GALNT16: variants seen among roughly 807,000 people sequenced by gnomAD.
GALNT16 encodes the protein UDP-GalNAc:polypeptide N-acetylgalactosaminyltransferase-like protein 1.
GALNT16 carries 40 observed loss-of-function variants against 76.1 expected under a neutral mutation model. That is an observed-to-expected ratio of 0.53 (90% CI 0.41 to 0.68). GALNT16 has a LOEUF of 0.68. GALNT16 is among the 30% of genes least tolerant of loss of function. The pLI, the probability that GALNT16 is intolerant of heterozygous loss-of-function variation, is 0.00. For missense variants in GALNT16, 621 were observed against 731.9 expected (o/e 0.85, Z 1.75); for synonymous variants, 276 against 285.2 (o/e 0.97, Z 0.32).
At chr14:69,363,076 G>A in the GALNT16 span, among the ~76,000 whole-genome samples, 15 of 152,256 alleles carry the variant, frequency 9.9e-5, no homozygotes, top group African/African-American at 3.4e-4. Context: ...GAGGCAGGAA[G>A]AGTGGTTCTG....
At chr14:69,267,885 A>T (rs549036826) in intron 1 of GALNT16, among the ~76,000 whole-genome samples, 5 of 152,282 alleles carry the variant, frequency 3.3e-5, no homozygotes, top group African/African-American at 1.2e-4. Context: ...TTCTCCCGCG[A>T]AAGTGAGGTG....
chr14:69,320,833 C>T lies in GALNT16; in HGVS notation c.300C>T (p.Ser100=), dbSNP rs777777917. The T allele has an allele frequency of 2.1e-5, 34 of 1,613,932 alleles. No homozygotes were observed. Among genetic ancestry groups the T allele is most frequent in the Non-Finnish European group, 2.9e-5 (34 of 1,179,942 alleles). ...ACCAGCTGGAGAGTGACAAGCTGAGCCCAGACCGGCCCATCCGGGACACCC... is the reference window on the plus strand; with the variant it reads ...ACCAGCTGGAGAGTGACAAGCTGAGTCCAGACCGGCCCATCCGGGACACCC... The part of the protein sequence containing the change: ...AFNQLESDKL[S]PDRPIRDTRH... The change falls in exon 2 of 15, where the codon AGC becomes AGT. Residue 100 remains serine (S), a synonymous_variant. Transcript: ENST00000448469.
chr14:69,381,462 T>C, the GALNT16 span, among the ~76,000 whole-genome samples: 1 of 152,282 alleles, frequency 6.6e-6, no homozygotes, highest in South Asian at 2.1e-4. Flanking sequence ...TAGAGGCCTA[T>C]GGAGAAGAAT....
chr14:69,322,978 GTGTGCGCGCGCA>G (rs753522957), intron 2 of GALNT16, among the ~76,000 whole-genome samples: 1,360 of 41,936 alleles, frequency 0.032, 51 homozygotes, highest in South Asian at 0.11. Context: ...GTGTGTGTGT[GTGTGCGCGCGCA>G]CGCGCGCACG....
the GALNT16 span, among the ~76,000 whole-genome samples, chr14:69,378,981 T>C: frequency 2.2e-4 from 34 of 152,282 alleles, 1 homozygote; most frequent in Non-Finnish European, 1.6e-4. Context: ...TCACCCAAGC[T>C]GGAGTGCAGT....
chr14:69,268,980 A>C (rs2044371885), intron 1 of GALNT16, among the ~76,000 whole-genome samples: 1 of 152,244 alleles, frequency 6.6e-6, no homozygotes, highest in Non-Finnish European at 1.5e-5. Flanking sequence ...GCTGTGGTAA[A>C]GATAGGCTCA....
chr14:69,311,236 G>A (rs2140151143), intron 1 of GALNT16, among the ~76,000 whole-genome samples: 1 of 152,332 alleles, frequency 6.6e-6, no homozygotes, highest in Non-Finnish European at 1.5e-5. Context: ...CCTTGTTGCT[G>A]TGTATTCCAG....
intron 1 of GALNT16, among the ~76,000 whole-genome samples, chr14:69,287,469 T>C (rs1008843010): frequency 6.6e-6 from 1 of 152,158 alleles, no homozygotes; most frequent in Non-Finnish European, 1.5e-5. Context: ...CAGAACTGAG[T>C]AGCACACAGC....
Position 69,322,971 on chromosome 14 carries a change from T to C in GALNT16, c.336-1721T>C, listed in dbSNP as rs1160850273. ...GTGTGTGTGTGTGTGTGTGTGTGTG[T>C]GTGTGTGTGTGCGCGCGCACGCGCG... is the stretch of plus-strand genomic sequence containing the variant. On this transcript the variant is annotated intron_variant, in intron 2 of 14. Transcript: ENST00000448469. Among the ~76,000 whole-genome samples the C allele has an allele frequency of 1.4e-4, 8 of 55,788 alleles. 1 individual carries two copies. The highest frequency in any genetic ancestry group is 8.4e-4 in the South Asian group (1 of 1,190). 36.6% of individuals were successfully genotyped at this position (55,788 alleles called of 152,430 possible). A position where few individuals can be genotyped will look rare whatever the true frequency, so the allele number is the denominator to read the frequency against.
chr14:69,325,386 G>GATGACTTCAGCTCA lies in GALNT16; in HGVS notation c.485_498dup (p.Asp167MetfsTer13), dbSNP rs1365114258. ...CTTGATCCAGGAGATCATTTTAGTG[G>GATGACTTCAGCTCA]ATGACTTCAGCTCAGATCGTGAGTA... On this transcript the variant is annotated frameshift_variant, in exon 4 of 15. Coordinates refer to ENST00000448469, the MANE Select transcript of GALNT16 (RefSeq NM_001168368.2). LOFTEE classifies it high-confidence loss of function. The GATGACTTCAGCTCA allele has an allele frequency of 6.3e-7, 1 of 1,593,846 alleles. No homozygotes were observed. Among genetic ancestry groups the GATGACTTCAGCTCA allele is most frequent in the East Asian group, 2.2e-5 (1 of 44,778 alleles).
chr14:69,281,997 T>C (rs551673268), intron 1 of GALNT16, among the ~76,000 whole-genome samples: 1 of 152,256 alleles, frequency 6.6e-6, no homozygotes, highest in Non-Finnish European at 1.5e-5. Flanking sequence ...GTTAGGATTA[T>C]GAATTTTCAT....
chr14:69,294,840 TC>T (rs2044734012), intron 1 of GALNT16, among the ~76,000 whole-genome samples: 1 of 152,198 alleles, frequency 6.6e-6, no homozygotes, highest in African/African-American at 2.4e-5. Flanking sequence ...TGCCTCAGCT[TC>T]CCAAGGAGCG....
At chr14:69,314,701 C>A (rs1489200041) in intron 1 of GALNT16, among the ~76,000 whole-genome samples, 1 of 152,196 alleles carries the variant, frequency 6.6e-6, no homozygotes, top group East Asian at 1.9e-4. Context: ...AGCTTCCCAG[C>A]TCTCATAATG....
the GALNT16 span, among the ~76,000 whole-genome samples, chr14:69,372,309 T>C: frequency 6.6e-6 from 1 of 152,092 alleles, no homozygotes; most frequent in East Asian, 1.9e-4. Flanking sequence ...ATACTCCGTG[T>C]TGGCTGCAAA....
chr14:69,281,291 G>C (rs2044538172), intron 1 of GALNT16, among the ~76,000 whole-genome samples: 2 of 152,158 alleles, frequency 1.3e-5, no homozygotes, highest in South Asian at 2.1e-4. Context: ...CCATTTTGCA[G>C]ATGAAAAAAC....
intron 6 of GALNT16, among the ~76,000 whole-genome samples, chr14:69,331,139 C>A (rs867350490): frequency 4.6e-5 from 7 of 152,298 alleles, no homozygotes; most frequent in African/African-American, 1.4e-4. Flanking sequence ...GTAAGAGTAG[C>A]TTAAAAGAGG....
In GALNT16 at chr14:69,305,365, G is replaced by A. The variant is rs529243596; in HGVS notation, c.178-15346G>A. Among the ~76,000 whole-genome samples the A allele has an allele frequency of 3.3e-5, 5 of 152,118 alleles. No individual in the cohort carries two copies. In the South Asian group the frequency reaches 1.0e-3, roughly 32 times the overall value. On this transcript the variant is annotated intron_variant, in intron 1 of 14. Transcript: ENST00000448469. ...TTGTGTAGAGACAGGGTTTCATTGT[G>A]TTGGCCAGGCTGGTCTCGAACTCCT... is the stretch of plus-strand genomic sequence containing the variant.
In GALNT16 at chr14:69,260,413, G is replaced by T; in HGVS notation, c.123G>T (p.Gln41His). Residue 41 changes from glutamine to histidine, a missense_variant, in exon 1 of 15, where the codon CAG becomes CAT. Coordinates refer to ENST00000448469, the MANE Select transcript of GALNT16 (RefSeq NM_001168368.2). ...HAASSGGRGA[Q>H]RAGRRSEQLR... is the part of the protein sequence containing the mutation. ...CATCCTCCGGCGGCCGGGGCGCGCA[G>T]AGGGCAGGCAGGAGGTCGGAGCAGC... The T allele has an allele frequency of 6.2e-7, 1 of 1,600,704 alleles. No homozygotes were observed.
chr14:69,261,846 G>A lies in GALNT16; in HGVS notation c.177+1379G>A, dbSNP rs72720290. Among the ~76,000 whole-genome samples the A allele has an allele frequency of 0.04, 6,135 of 152,266 alleles. 181 individuals are homozygous for A. The highest frequency in any genetic ancestry group is 0.063 in the Non-Finnish European group (4,308 of 68,018). The stretch of plus-strand genomic sequence containing the variant: ...GGGTTTTGTCCTAGATACCAGTCTG[G>A]GTGAACTCTCTGGGGGCAAGCCTGA... On this transcript the variant is annotated intron_variant, in intron 1 of 14. Transcript: ENST00000448469. This position sits in a 1 kb window ranked among gnomAD's most constrained non-coding sequence, Gnocchi z 6.4.
Sources: gnomAD v4.1 joint callset for allele counts (sites outside exome capture counted in the v4.1 genomes callset) on GRCh38, gnomAD v4.1.1 for gene constraint, Gnocchi (gnomAD v3.1) non-coding constraint, MANE v1.5 for transcripts, NCBI Gene and HGNC (gene_info 2026-07-23, HGNC 2026-07-21) for gene names.